Variants in MGLL observed in about 807,000 individuals in gnomAD.
MGLL encodes lysophospholipase homolog.
In MGLL, 7 loss-of-function variants were observed where a neutral mutation model predicts 29.1. The observed-to-expected ratio is 0.24, with a 90% CI of 0.14 to 0.45. MGLL has a LOEUF of 0.45. Ranked by LOEUF, MGLL falls within the 20% of genes least tolerant of loss-of-function variation. The pLI, the probability that MGLL is intolerant of heterozygous loss-of-function variation, is 0.99. For missense variants in MGLL, 356 were observed against 413.6 expected (o/e 0.86, Z 1.21); for synonymous variants, 148 against 168.3 (o/e 0.88, Z 0.93).
intron 4 of MGLL, 146 bp from the exon 5 acceptor site, chr3:127,721,309 G>A: frequency 1.5e-6 from 1 of 669,712 alleles, no homozygotes; most frequent in Middle Eastern, 3.4e-4. Context: ...ACCATCAAAT[G>A]TTGGCTAAAC....
chr3:127,805,894 CT>C (rs2107743239), intron 2 of MGLL, among the ~76,000 whole-genome samples: 1 of 152,340 alleles, frequency 6.6e-6, no homozygotes, highest in South Asian at 2.1e-4. Context: ...TTTCCTGCCC[CT>C]TTCCAAAGGT....
intron 3 of MGLL, among the ~76,000 whole-genome samples, chr3:127,771,369 G>A (rs7637101): frequency 0.025 from 3,831 of 152,012 alleles, 173 homozygotes; most frequent in African/African-American, 0.086. Context: ...TATTTTTTGC[G>A]ATAGGGTCTC....
chr3:127,788,029 C>T (rs540393366), intron 2 of MGLL, among the ~76,000 whole-genome samples: 1 of 152,190 alleles, frequency 6.6e-6, no homozygotes, highest in South Asian at 2.1e-4. Flanking sequence ...GCACGGGAGA[C>T]AGAAATAGAA....
chr3:127,770,306 ACCACTGTAATC>A, intron 3 of MGLL, among the ~76,000 whole-genome samples: 1 of 152,286 alleles, frequency 6.6e-6, no homozygotes, highest in South Asian at 2.1e-4. Flanking sequence ...ACAGATGTGA[ACCACTGTAATC>A]CCACTGTAAT....
intron 3 of MGLL, among the ~76,000 whole-genome samples, chr3:127,775,198 G>C (rs1209218380): frequency 4.6e-5 from 7 of 152,118 alleles, no homozygotes; most frequent in African/African-American, 1.4e-4. Flanking sequence ...ACAAGTTGCA[G>C]CAAGTTCACT....
At chr3:127,703,876 A>G (rs1399548821) in intron 6 of MGLL, among the ~76,000 whole-genome samples, 2 of 152,224 alleles carry the variant, frequency 1.3e-5, no homozygotes, top group African/African-American at 4.8e-5. Context: ...AACAACAAAT[A>G]ACAAACAACC....
At chr3:127,715,853 C>T (rs1309340647) in intron 5 of MGLL, 3 of 454,206 alleles carry the variant, frequency 6.6e-6, no homozygotes, top group South Asian at 1.6e-5. Flanking sequence ...AGTTGCTCAC[C>T]CAAAAAGGAC....
At chr3:127,752,656 A>G (rs936042917) in intron 3 of MGLL, among the ~76,000 whole-genome samples, 1 of 152,112 alleles carries the variant, frequency 6.6e-6, no homozygotes, top group Non-Finnish European at 1.5e-5. Context: ...GTGAGCAAGC[A>G]GAGATATGGC....
chr3:127,813,188 CT>C (rs2077694832), intron 2 of MGLL, among the ~76,000 whole-genome samples: 1 of 151,904 alleles, frequency 6.6e-6, no homozygotes. Flanking sequence ...CTTTTTTCCC[CT>C]GCTTCCCTCC....
chr3:127,722,610 C>T (rs181267266), intron 3 of MGLL, 44 bp from the exon 4 acceptor site: 3 of 1,613,872 alleles, frequency 1.9e-6, no homozygotes, highest in Non-Finnish European at 2.5e-6. Context: ...GTTACCAGGT[C>T]GACTCCTACA....
At position 127,690,402 on chromosome 3, in the gene MGLL, G is replaced by C. The variant is rs1420103709; in HGVS notation, c.*1796C>G. 6.6e-6 allele frequency: 1 copy of C among 152,276 alleles called. No homozygotes were observed. Among genetic ancestry groups the C allele is most frequent in the East Asian group, 1.9e-4 (1 of 5,188 alleles). 9.4% of individuals were successfully genotyped at this position (152,276 alleles called of 1,614,324 possible). On this transcript the variant is annotated 3_prime_UTR_variant, in exon 8 of 8. Coordinates refer to ENST00000265052, the MANE Select transcript of MGLL (RefSeq NM_007283.7). ...GGGTGAGGGCTTGGCTCCTCCCCCA[G>C]GGCACAGAGTGATCTTCAGCAGGGT...
chr3:127,717,007 G>A (rs887385044), intron 5 of MGLL, among the ~76,000 whole-genome samples: 3 of 152,188 alleles, frequency 2.0e-5, no homozygotes, highest in African/African-American at 7.2e-5. Flanking sequence ...TGTGTGGCAG[G>A]AGGCTTGCTA....
intron 3 of MGLL, among the ~76,000 whole-genome samples, chr3:127,753,537 A>G (rs993628404): frequency 1.4e-4 from 22 of 152,206 alleles, no homozygotes; most frequent in African/African-American, 9.7e-5. Flanking sequence ...AACACAACAT[A>G]TGTCAACTGA....
intron 3 of MGLL, chr3:127,735,680 GAAT>G: frequency 6.3e-7 from 1 of 1,585,300 alleles, no homozygotes; most frequent in Non-Finnish European, 8.5e-7. Flanking sequence ...GTTGTTGGGG[GAAT>G]AAATGAAACA....
At chr3:127,793,205 G>A (rs373431762) in intron 2 of MGLL, among the ~76,000 whole-genome samples, 7 of 152,194 alleles carry the variant, frequency 4.6e-5, no homozygotes, top group East Asian at 3.8e-4. Flanking sequence ...GCCCTTGGCT[G>A]GCTCAGCAGC....
rs144379146 is a variant in MGLL, at chr3:127,759,221, G to A, written c.262+22568C>T. Among the ~76,000 whole-genome samples, 1,257 of 152,274 alleles carry A rather than the reference G, an allele frequency of 8.3e-3. 20 individuals are homozygous for A. The highest frequency in any genetic ancestry group is 0.029 in the African/African-American group (1,196 of 41,540). ...ATTACAGGCGTGAGCCACTGCGCCCGGCCCTGGCAGCTATTTCTCACAGCG... is the reference window on the plus strand; with the variant it reads ...ATTACAGGCGTGAGCCACTGCGCCCAGCCCTGGCAGCTATTTCTCACAGCG... On this transcript the variant is annotated intron_variant, in intron 3 of 7. Transcript: ENST00000265052.
intron 3 of MGLL, chr3:127,735,587 A>G (rs1373340473): frequency 9.3e-7 from 1 of 1,080,752 alleles, no homozygotes; most frequent in Admixed American, 2.3e-5. Context: ...TATGTGATAA[A>G]CACATAAAAT....
intron 2 of MGLL, among the ~76,000 whole-genome samples, chr3:127,809,773 G>A (rs1214485672): frequency 6.6e-6 from 1 of 152,108 alleles, no homozygotes; most frequent in Non-Finnish European, 1.5e-5. Context: ...CTCCCATGAT[G>A]TGCTGGCTCT....
At chr3:127,778,188 C>T (rs768513730) in intron 3 of MGLL, among the ~76,000 whole-genome samples, 1 of 152,222 alleles carries the variant, frequency 6.6e-6, no homozygotes, top group Non-Finnish European at 1.5e-5. Context: ...TTCCATAAAT[C>T]GTGTCATAGA....
Sources: allele counts gnomAD v4.1 joint callset (sites outside exome capture counted in the v4.1 genomes callset), GRCh38; gene constraint gnomAD v4.1.1; transcripts MANE v1.5; gene names NCBI Gene and HGNC (gene_info 2026-07-23, HGNC 2026-07-21).